Variants in PDE12 observed in about 807,000 individuals in gnomAD.
PDE12 encodes the protein 2',5'-phosphodiesterase 12.
In PDE12, 26 loss-of-function variants were observed where a neutral mutation model predicts 45.4. The observed-to-expected ratio is 0.57, with a 90% CI of 0.42 to 0.79. PDE12 has a LOEUF of 0.79. Ranked by LOEUF, PDE12 falls within the 30% of genes least tolerant of loss-of-function variation. PDE12 has a pLI of 0.00. For missense variants in PDE12, 668 were observed against 790.0 expected (o/e 0.85, Z 1.85); for synonymous variants, 283 against 323.9 (o/e 0.87, Z 1.36).
At chr3:57,594,124 C>T in the PDE12 span, among the ~76,000 whole-genome samples, 71 of 152,056 alleles carry the variant, frequency 4.7e-4, no homozygotes, top group African/African-American at 1.4e-3. Context: ...GGCTTGGTGG[C>T]GGGCGCTTGT....
At chr3:57,623,279 A>T in the PDE12 span, among the ~76,000 whole-genome samples, 1 of 152,048 alleles carries the variant, frequency 6.6e-6, no homozygotes, top group Non-Finnish European at 1.5e-5. Context: ...ACAAACAAAA[A>T]ACTGATTTGT....
chr3:57,592,008 C>G, the PDE12 span, among the ~76,000 whole-genome samples: 3 of 152,140 alleles, frequency 2.0e-5, no homozygotes, highest in South Asian at 6.2e-4. Flanking sequence ...AATACATATA[C>G]TAAAACCCAC....
At chr3:57,612,081 G>C in the PDE12 span, among the ~76,000 whole-genome samples, 5 of 151,594 alleles carry the variant, frequency 3.3e-5, no homozygotes, top group African/African-American at 9.7e-5. Flanking sequence ...GTGAGTTCAC[G>C]TCCTTTATAG....
At chr3:57,588,799 A>T in the PDE12 span, among the ~76,000 whole-genome samples, 2 of 146,754 alleles carry the variant, frequency 1.4e-5, no homozygotes, top group Non-Finnish European at 3.0e-5. Context: ...ACTACAAAAA[A>T]TACAAAAATT....
the PDE12 span, among the ~76,000 whole-genome samples, chr3:57,644,149 CAAAA>C: frequency 2.7e-5 from 2 of 73,360 alleles, no homozygotes; most frequent in African/African-American, 5.2e-5. Flanking sequence ...GACTCCATCT[CAAAA>C]AAAAAAAAAA....
At chr3:57,573,157 G>A in the PDE12 span, among the ~76,000 whole-genome samples, 3 of 149,994 alleles carry the variant, frequency 2.0e-5, no homozygotes, top group African/African-American at 2.5e-5. Flanking sequence ...AGCCGAGATC[G>A]TGCCACAGCA....
chr3:57,632,506 G>A, the PDE12 span, among the ~76,000 whole-genome samples: 1 of 152,030 alleles, frequency 6.6e-6, no homozygotes, highest in South Asian at 2.1e-4. Context: ...CTACAGTAAA[G>A]TTTATTTATT....
chr3:57,575,464 A>T, the PDE12 span: 1 of 1,342,214 alleles, frequency 7.5e-7, no homozygotes, highest in Non-Finnish European at 1.0e-6. Context: ...GAGATAATAA[A>T]TGTTTAAACT....
At chr3:57,569,829 CAAAAAAAA>C (rs11310053), downstream of PDE12, among the ~76,000 whole-genome samples, 2 of 67,884 alleles carry the variant, frequency 2.9e-5, no homozygotes, top group Middle Eastern at 8.9e-3. Flanking sequence ...AAAACCATCT[CAAAAAAAA>C]AAAAAAAAAA....
At chr3:57,628,195 T>C in the PDE12 span, 1 of 1,608,472 alleles carries the variant, frequency 6.2e-7, no homozygotes. Context: ...CCTTTTTGGC[T>C]GGAAAATCTT....
the PDE12 span, chr3:57,634,821 C>G: frequency 7.2e-7 from 1 of 1,392,520 alleles, no homozygotes; most frequent in Non-Finnish European, 9.6e-7. Context: ...ATACATATTA[C>G]AAAATTGGAA....
the PDE12 span, chr3:57,641,719 G>C: frequency 1.2e-6 from 2 of 1,613,146 alleles, no homozygotes; most frequent in Non-Finnish European, 1.7e-6. Flanking sequence ...GCAAAAAAAG[G>C]GTTGGTTACT....
At chr3:57,584,691 G>GT in the PDE12 span, among the ~76,000 whole-genome samples, 148 of 152,222 alleles carry the variant, frequency 9.7e-4, no homozygotes, top group African/African-American at 2.6e-3. Flanking sequence ...CTAGTAAAAG[G>GT]TAACAAGTAT....
At chr3:57,596,894 G>A in the PDE12 span, 1 of 622,872 alleles carries the variant, frequency 1.6e-6, no homozygotes, top group East Asian at 2.9e-5. Flanking sequence ...ACAGATCGGG[G>A]GCGGGGGGGA....
At chr3:57,599,842 T>TATTTACAC in the PDE12 span, among the ~76,000 whole-genome samples, 1 of 150,572 alleles carries the variant, frequency 6.6e-6, no homozygotes, top group African/African-American at 2.4e-5. Flanking sequence ...TATTAACTGG[T>TATTTACAC]ATTTACACTC....
At chr3:57,573,139 T>C in the PDE12 span, among the ~76,000 whole-genome samples, 1 of 151,344 alleles carries the variant, frequency 6.6e-6, no homozygotes, top group African/African-American at 2.4e-5. Context: ...AAGGCAGAGC[T>C]TGCAGTGAGC....
At chr3:57,590,851 A>T in the PDE12 span, among the ~76,000 whole-genome samples, 2 of 152,094 alleles carry the variant, frequency 1.3e-5, no homozygotes, top group African/African-American at 4.8e-5. Context: ...GCTAATTTTT[A>T]AAATTTTTTT....
chr3:57,635,062 G>A, the PDE12 span, among the ~76,000 whole-genome samples: 1 of 152,022 alleles, frequency 6.6e-6, no homozygotes, highest in African/African-American at 2.4e-5. Flanking sequence ...CACTCAACCT[G>A]TAATTTAAAA....
Position 57,560,280 on chromosome 3 carries a change from A to G in PDE12, c.*276A>G. The G allele has an allele frequency of 2.5e-6, 3 of 1,191,014 alleles. No homozygotes were observed. Among genetic ancestry groups the G allele is most frequent in the Non-Finnish European group, 3.1e-6 (3 of 959,572 alleles). The allele number at this position is 1,191,014 out of a possible 1,614,324, so 73.8% of individuals were successfully genotyped here. ...TTTTTCTCCAAATTGAGACTCTCAGAAAAGGAAGATTGAATTAGCGTGTTT... is the reference window on the plus strand; with the variant it reads ...TTTTTCTCCAAATTGAGACTCTCAGGAAAGGAAGATTGAATTAGCGTGTTT... On this transcript the variant is annotated 3_prime_UTR_variant, in exon 3 of 3. Coordinates refer to ENST00000311180, the MANE Select transcript of PDE12 (RefSeq NM_177966.7).
Sources: allele counts gnomAD v4.1 joint callset (sites outside exome capture counted in the v4.1 genomes callset), GRCh38; gene constraint gnomAD v4.1.1; transcripts MANE v1.5; gene names NCBI Gene and HGNC (gene_info 2026-07-23, HGNC 2026-07-21).